The following CENPP variants were observed in gnomAD, a reference collection of about 807,000 sequenced individuals.
CENPP encodes centromere protein P.
In CENPP, 24 loss-of-function variants were observed where a neutral mutation model predicts 35.6. The ratio of observed to expected loss-of-function variants is 0.67; its 90% CI spans 0.49 to 0.95. The LOEUF is 0.95. Ranked by LOEUF, CENPP falls within the 40% of genes least tolerant of loss-of-function variation. The pLI is 0.00. For missense variants in CENPP, 332 were observed against 345.3 expected, an observed-to-expected ratio of 0.96 and a Z score of 0.31; for synonymous variants, 120 against 125.5, an observed-to-expected ratio of 0.96 and a Z score of 0.29.
At chr9:92,514,261 T>G (rs1439276366) in intron 5 of CENPP, among the ~76,000 whole-genome samples, 1 of 151,544 alleles carries the variant, frequency 6.6e-6, no homozygotes, top group Non-Finnish European at 1.5e-5. Flanking sequence ...TGCATGTGGC[T>G]TAGAGTCATT....
rs563320010 is a variant in CENPP at position 92,601,194 on chromosome 9, A to T, written c.565-10120A>T. 5.9e-5 allele frequency among the ~76,000 whole-genome samples: 9 copies of T among 152,286 alleles called. No individual in the cohort carries two copies. The South Asian group carries it at 1.0e-3, about 18-fold the overall frequency. On this transcript the variant is annotated intron_variant, in intron 5 of 7. Transcript: ENST00000375587. ...CTACATGGACGTATTTACTTCAAAA[A>T]CACAAATAGAGTCTAGAAAAACTGG... is the stretch of plus-strand genomic sequence containing the variant.
chr9:92,367,624 A>G (rs1378715824), intron 4 of CENPP, among the ~76,000 whole-genome samples: 1 of 151,978 alleles, frequency 6.6e-6, no homozygotes, highest in African/African-American at 2.4e-5. Flanking sequence ...ATTTTATTTT[A>G]TTTATTTTTT....
chr9:92,389,999 G>C, intron 5 of CENPP: 1 of 1,609,886 alleles, frequency 6.2e-7, no homozygotes, highest in Non-Finnish European at 8.5e-7. Flanking sequence ...TTTTGAAAAA[G>C]TACCATCTTC....
intron 5 of CENPP, chr9:92,415,167 A>T (rs199824217): frequency 6.2e-7 from 1 of 1,604,468 alleles, no homozygotes; most frequent in Admixed American, 1.7e-5. Flanking sequence ...CTTGATTTTC[A>T]TAATAATGAA....
intron 5 of CENPP, among the ~76,000 whole-genome samples, chr9:92,439,716 G>A (rs1844339353): frequency 6.6e-6 from 1 of 152,080 alleles, no homozygotes; most frequent in Non-Finnish European, 1.5e-5. Context: ...TCAATCCCAT[G>A]TTAAAATTCT....
intron 5 of CENPP, among the ~76,000 whole-genome samples, chr9:92,488,291 G>A (rs1210728867): frequency 6.6e-6 from 1 of 152,176 alleles, no homozygotes; most frequent in Non-Finnish European, 1.5e-5. Flanking sequence ...AATTGGAGCA[G>A]ATAAGGCAGT....
At chr9:92,452,399 A>G (rs1844738809) in intron 5 of CENPP, among the ~76,000 whole-genome samples, 1 of 152,180 alleles carries the variant, frequency 6.6e-6, no homozygotes, top group Non-Finnish European at 1.5e-5. Context: ...GCTGGATTAC[A>G]TTTATTGATT....
At chr9:92,530,151 A>G (rs762859674) in intron 5 of CENPP, among the ~76,000 whole-genome samples, 17 of 152,162 alleles carry the variant, frequency 1.1e-4, no homozygotes, top group Non-Finnish European at 2.1e-4. Flanking sequence ...GGTGTCCTTG[A>G]GGGATCCTGG....
At chr9:92,424,384 G>C (rs1017329434) in intron 5 of CENPP, 1 of 152,046 alleles carries the variant, frequency 6.6e-6, no homozygotes, top group Non-Finnish European at 1.5e-5. Flanking sequence ...AAAACACTCG[G>C]GTTGAATTAA....
In CENPP at chr9:92,517,293, C is replaced by A. The variant is rs565788286; in HGVS notation, c.565-94021C>A. 7 of 255,686 alleles carry A rather than the reference C, an allele frequency of 2.7e-5. No individual in the cohort carries two copies. The East Asian group carries it at 6.4e-4, about 23-fold the overall frequency. The allele number at this position is 255,686 out of a possible 1,614,324, so 15.8% of individuals were successfully genotyped here. On this transcript the variant is annotated intron_variant, in intron 5 of 7. Coordinates refer to ENST00000375587, the MANE Select transcript of CENPP (RefSeq NM_001012267.3). ...ATGCAAATCACTCTTCCTTTGTTTACCCTGGCTTCAAGATGATAAAGGCAC... is the reference window on the plus strand; with the variant it reads ...ATGCAAATCACTCTTCCTTTGTTTAACCTGGCTTCAAGATGATAAAGGCAC...
chr9:92,330,146 G>A (rs1027449012), intron 1 of CENPP, among the ~76,000 whole-genome samples: 3 of 152,186 alleles, frequency 2.0e-5, no homozygotes, highest in African/African-American at 7.2e-5. Flanking sequence ...GAGCAGAACG[G>A]ATGGCAGTAA....
chr9:92,611,213 CCT>C, intron 5 of CENPP, 99 bp from the exon 6 acceptor site: 1 of 933,702 alleles, frequency 1.1e-6, no homozygotes, highest in Non-Finnish European at 1.7e-6. Context: ...ACACTCGGAC[CCT>C]GATTTTCGCC....
intron 5 of CENPP, among the ~76,000 whole-genome samples, chr9:92,553,375 C>A (rs1028403159): frequency 1.3e-5 from 2 of 152,074 alleles, no homozygotes; most frequent in Non-Finnish European, 2.9e-5. Flanking sequence ...CTTAGTCTTG[C>A]TTTGGCTATG....
At chr9:92,481,579 T>G (rs1845914766) in intron 5 of CENPP, among the ~76,000 whole-genome samples, 2 of 152,210 alleles carry the variant, frequency 1.3e-5, no homozygotes, top group Non-Finnish European at 2.9e-5. Context: ...AATCTAAAAT[T>G]TAATCAGAAA....
At chr9:92,484,181 CA>C (rs144740230) in intron 5 of CENPP, among the ~76,000 whole-genome samples, 4 of 149,702 alleles carry the variant, frequency 2.7e-5, no homozygotes, top group African/African-American at 7.4e-5. Context: ...TGTATGTTAC[CA>C]AAAAAAAACA....
intron 5 of CENPP, among the ~76,000 whole-genome samples, chr9:92,397,872 CATAGAG>C (rs1214001410): frequency 6.6e-6 from 1 of 152,144 alleles, no homozygotes; most frequent in Non-Finnish European, 1.5e-5. Context: ...CATACACACA[CATAGAG>C]ATAAACAGAG....
At chr9:92,494,006 G>T in intron 5 of CENPP, 2 of 1,463,732 alleles carry the variant, frequency 1.4e-6, no homozygotes, top group Non-Finnish European at 1.9e-6. Flanking sequence ...CAGTGTGCTC[G>T]TCGCATTGTC....
chr9:92,386,194 A>G lies in CENPP; in HGVS notation c.564+6335A>G, dbSNP rs566885905. 29 of 1,580,222 alleles carry G rather than the reference A, an allele frequency of 1.8e-5. 1 individual carries two copies. The highest frequency in any genetic ancestry group is 1.6e-4 in the South Asian group (14 of 90,320). ...AGAGTCAGATATTGTGAAAGGAACT[A>G]TCATACCTGAAGATGAATTACACGT... is the stretch of plus-strand genomic sequence containing the variant. On this transcript the variant is annotated intron_variant, in intron 5 of 7. Coordinates refer to ENST00000375587, the MANE Select transcript of CENPP (RefSeq NM_001012267.3).
At chr9:92,343,790 A>T (rs953444613) in intron 3 of CENPP, among the ~76,000 whole-genome samples, 1 of 151,980 alleles carries the variant, frequency 6.6e-6, no homozygotes, top group African/African-American at 2.4e-5. Context: ...TAAAAAATAT[A>T]TATTTTTTTA....
Sources: allele counts gnomAD v4.1 joint callset (sites outside exome capture counted in the v4.1 genomes callset), GRCh38; gene constraint gnomAD v4.1.1; transcripts MANE v1.5; gene names NCBI Gene and HGNC (gene_info 2026-07-23, HGNC 2026-07-21).